The following MCF2L2 variants were observed in gnomAD, a reference collection of about 807,000 sequenced individuals.
The protein encoded by MCF2L2 is MCF.2 cell line derived transforming sequence-like 2.
A neutral mutation model predicts 150.2 loss-of-function variants in MCF2L2; 102 were observed. That is an observed-to-expected ratio of 0.68 (90% CI 0.58 to 0.80). MCF2L2 has a LOEUF of 0.80. MCF2L2 is among the 30% of genes least tolerant of loss of function. MCF2L2 has a pLI of 0.00. For missense variants in MCF2L2, 1,256 were observed against 1,372.8 expected, an observed-to-expected ratio of 0.91 and a Z score of 1.34; for synonymous variants, 465 against 491.3, an observed-to-expected ratio of 0.95 and a Z score of 0.71.
intron 1 of MCF2L2, among the ~76,000 whole-genome samples, chr3:183,406,497 G>T (rs974163049): frequency 6.6e-6 from 1 of 151,554 alleles, no homozygotes; most frequent in Non-Finnish European, 1.5e-5. Context: ...ACAAGTCTTG[G>T]TTTTTTTTGA....
chr3:183,335,270 T>C (rs1730430196), intron 5 of MCF2L2, among the ~76,000 whole-genome samples: 1 of 152,132 alleles, frequency 6.6e-6, no homozygotes, highest in Non-Finnish European at 1.5e-5. Flanking sequence ...ATATTAAATA[T>C]ATTGTGTATG....
intron 1 of MCF2L2, among the ~76,000 whole-genome samples, chr3:183,410,536 G>A (rs1238047912): frequency 6.6e-6 from 1 of 152,198 alleles, no homozygotes; most frequent in African/African-American, 2.4e-5. Flanking sequence ...TGCCTTGGTC[G>A]TGGTGGGTGC....
At chr3:183,228,198 T>A in intron 18 of MCF2L2, 99 bp downstream of exon 18, 1 of 833,836 alleles carries the variant, frequency 1.2e-6, no homozygotes, top group Non-Finnish European at 2.0e-6. Flanking sequence ...GAAGCAGATA[T>A]GTTTTTAGAC....
chr3:183,390,031 T>C (rs1222083217), intron 1 of MCF2L2, among the ~76,000 whole-genome samples: 1 of 152,030 alleles, frequency 6.6e-6, no homozygotes, highest in Non-Finnish European at 1.5e-5. Context: ...GAGGGACCAA[T>C]ACAAGGAAAG....
intron 10 of MCF2L2, among the ~76,000 whole-genome samples, chr3:183,304,393 C>T (rs1037714558): frequency 6.6e-6 from 1 of 151,376 alleles, no homozygotes; most frequent in Non-Finnish European, 1.5e-5. Context: ...TTGTTCTAAA[C>T]AGCAAAGGCC....
intron 22 of MCF2L2, among the ~76,000 whole-genome samples, chr3:183,212,178 G>A (rs188545698): frequency 2.4e-3 from 363 of 152,314 alleles, no homozygotes; most frequent in African/African-American, 8.1e-3. Flanking sequence ...CTTCCTGAGA[G>A]CCCTCAGAGG....
intron 14 of MCF2L2, among the ~76,000 whole-genome samples, chr3:183,278,960 T>A (rs1254387779): frequency 6.6e-6 from 1 of 151,808 alleles, no homozygotes; most frequent in Non-Finnish European, 1.5e-5. Flanking sequence ...GTAGAGGGAG[T>A]CTCCTCTGCC....
At chr3:183,205,066 A>G (rs1385640216) in intron 25 of MCF2L2, among the ~76,000 whole-genome samples, 1 of 152,180 alleles carries the variant, frequency 6.6e-6, no homozygotes, top group African/African-American at 2.4e-5. Flanking sequence ...GTATAATTAG[A>G]ATTAGGCTGT....
chr3:183,328,642 C>T (rs1438928347), intron 5 of MCF2L2, among the ~76,000 whole-genome samples: 1 of 152,018 alleles, frequency 6.6e-6, no homozygotes, highest in Non-Finnish European at 1.5e-5. Context: ...TGTGATATGG[C>T]ACCAAAAGCA....
intron 1 of MCF2L2, among the ~76,000 whole-genome samples, chr3:183,407,874 T>C (rs559105571): frequency 2.6e-5 from 4 of 152,046 alleles, no homozygotes; most frequent in Non-Finnish European, 5.9e-5. Flanking sequence ...GTCATTCTAG[T>C]CTAGGTCCTG....
chr3:183,386,571 C>T (rs935586856), intron 2 of MCF2L2, among the ~76,000 whole-genome samples: 2 of 152,214 alleles, frequency 1.3e-5, no homozygotes, highest in East Asian at 3.8e-4. Context: ...ACAGCCTTCC[C>T]GGTTGACAGG....
intron 22 of MCF2L2, 47 bp from the exon 23 acceptor site, chr3:183,207,870 C>A: frequency 1.4e-6 from 2 of 1,460,084 alleles, no homozygotes; most frequent in Admixed American, 1.9e-5. Context: ...AATTACTTGA[C>A]AGAGAAAGAA....
chr3:183,299,858 G>A, intron 11 of MCF2L2, 147 bp downstream of exon 11: 1 of 824,628 alleles, frequency 1.2e-6, no homozygotes, highest in Non-Finnish European at 1.9e-6. Context: ...CCCAGGATCT[G>A]CACAGTTTTT....
intron 15 of MCF2L2, chr3:183,271,090 G>GTT (rs765804182): frequency 2.7e-4 from 172 of 638,216 alleles, no homozygotes; most frequent in Non-Finnish European, 4.1e-4. Context: ...TCTAGAAGCT[G>GTT]TTTAATATCA....
chr3:183,249,190 A>G (rs575470433), intron 15 of MCF2L2, among the ~76,000 whole-genome samples: 58 of 152,342 alleles, frequency 3.8e-4, no homozygotes, highest in Non-Finnish European at 5.9e-4. Flanking sequence ...GAAAGAGCTG[A>G]GTTAGAGGCA....
At chr3:183,275,194 G>GT (rs970608354) in intron 15 of MCF2L2, among the ~76,000 whole-genome samples, 3 of 151,982 alleles carry the variant, frequency 2.0e-5, no homozygotes, top group Non-Finnish European at 2.9e-5. Context: ...CATTCCATGT[G>GT]TTTTTTTACG....
At chr3:183,334,182 G>C (rs7626255) in intron 5 of MCF2L2, among the ~76,000 whole-genome samples, 19,558 of 152,178 alleles carry the variant, frequency 0.13, 1,330 homozygotes, top group African/African-American at 0.14. Context: ...CTTCTGATTA[G>C]TAAATGATGA....
chr3:183,397,200 G>A (rs1231634814), intron 1 of MCF2L2, among the ~76,000 whole-genome samples: 1 of 152,142 alleles, frequency 6.6e-6, no homozygotes, highest in African/African-American at 2.4e-5. Flanking sequence ...AAATACCTTC[G>A]ACTGGGTAAT....
rs1729669261 is a variant in MCF2L2 at position 183,318,049 on chromosome 3, G to A, written c.753+19C>T. 2 of 1,611,582 alleles carry A rather than the reference G, an allele frequency of 1.2e-6. No homozygotes were observed. Among genetic ancestry groups the A allele is most frequent in the South Asian group, 1.1e-5 (1 of 90,570 alleles). On this transcript the variant is annotated intron_variant, in intron 7 of 29. Transcript: ENST00000328913. ...TGCTGGCACAGACACTGGCCTCTGAGAGGTCACTGACCGCTCACCTGCAGC... is the reference window on the plus strand; with the variant it reads ...TGCTGGCACAGACACTGGCCTCTGAAAGGTCACTGACCGCTCACCTGCAGC...
Sources: allele counts gnomAD v4.1 joint callset (sites outside exome capture counted in the v4.1 genomes callset), GRCh38; gene constraint gnomAD v4.1.1; transcripts MANE v1.5; gene names NCBI Gene and HGNC (gene_info 2026-07-23, HGNC 2026-07-21).